AFAP1: variants seen among roughly 807,000 people sequenced by gnomAD.
AFAP1 encodes actin filament associated protein 1, also known as actin filament-associated protein 1.
In AFAP1, 75 loss-of-function variants were observed where a neutral mutation model predicts 93.9. That is an observed-to-expected ratio of 0.80 (90% confidence interval 0.66 to 0.97). The LOEUF is 0.97. Among genes scored for constraint, AFAP1 ranks in the 50% least tolerant of loss-of-function variants. The pLI, the probability that AFAP1 is intolerant of heterozygous loss-of-function variation, is 0.00. For synonymous variants in AFAP1, 517 were observed against 430.7 expected (o/e 1.20, Z -2.48); for missense variants, 1,201 against 1,050.8 (o/e 1.14, Z -1.98).
intron 17 of AFAP1, among the ~76,000 whole-genome samples, chr4:7,768,346 A>G (rs536120746): frequency 6.6e-6 from 1 of 152,386 alleles, no homozygotes; most frequent in East Asian, 1.9e-4. Context: ...GAAGACCGGA[A>G]GCTGCCCCAG....
intron 3 of AFAP1, among the ~76,000 whole-genome samples, chr4:7,863,575 T>C (rs1291321961): frequency 2.0e-5 from 3 of 152,150 alleles, no homozygotes; most frequent in African/African-American, 7.2e-5. Flanking sequence ...ATCCCACACG[T>C]GTGACTTCAA....
Position 7,928,823 on chromosome 4 carries a change from C to T in AFAP1, c.-3+10833G>A, listed in dbSNP as rs191461443. Among the ~76,000 whole-genome samples the T allele has an allele frequency of 1.2e-3, 189 of 152,334 alleles. 1 individual carries two copies. Among genetic ancestry groups the T allele is most frequent in the South Asian group, 1.7e-3 (8 of 4,826 alleles). Reference sequence around the variant, plus strand: ...CACCTGTCTGCCCTCCTGCAATGGCCGCGGTGTTCCCCATCTTACATGAGG... The same window carrying T: ...CACCTGTCTGCCCTCCTGCAATGGCTGCGGTGTTCCCCATCTTACATGAGG... On this transcript the variant is annotated intron_variant, in intron 1 of 17. Coordinates refer to ENST00000420658, the MANE Select transcript of AFAP1 (RefSeq NM_001134647.2).
At chr4:7,840,267 T>TGTGTGTGTGTGC (rs140323830) in intron 5 of AFAP1, among the ~76,000 whole-genome samples, 48,255 of 144,702 alleles carry the variant, frequency 0.33, 8,057 homozygotes, top group East Asian at 0.57. Context: ...TTGGGATGTG[T>TGTGTGTGTGTGC]GTGTGTGTGT....
At chr4:7,937,085 AAAC>A (rs149535758) in intron 1 of AFAP1, among the ~76,000 whole-genome samples, 1,974 of 152,350 alleles carry the variant, frequency 0.013, 45 homozygotes, top group African/African-American at 0.045. Flanking sequence ...AATGAGAAAA[AAAC>A]AAACCAATTG....
intron 10 of AFAP1, among the ~76,000 whole-genome samples, chr4:7,795,817 G>C (rs958782915): frequency 6.6e-6 from 1 of 152,058 alleles, no homozygotes; most frequent in African/African-American, 2.4e-5. Context: ...TAATATCTAA[G>C]ATGTAATTGA....
rs995040609 is a variant in AFAP1 at position 7,796,745 on chromosome 4, G to C, written c.1267-2919C>G. ...CAGCCTGGGCAACAGAGTGAGACTT[G>C]TCTCAAAAAAAAAAAAACAAAAAAA... On this transcript the variant is annotated intron_variant, in intron 10 of 17. Transcript: ENST00000420658. 1.2e-4 allele frequency among the ~76,000 whole-genome samples: 14 copies of C among 120,104 alleles called. No homozygotes were observed. The South Asian group carries it at 2.6e-3, about 22-fold the overall frequency. The allele number at this position is 120,104 out of a possible 152,430, so 78.8% of individuals were successfully genotyped here. A position where few individuals can be genotyped will look rare whatever the true frequency, so the allele number is the denominator to read the frequency against.
intron 1 of AFAP1, among the ~76,000 whole-genome samples, chr4:7,872,957 A>G (rs1717181900): frequency 1.3e-5 from 2 of 150,184 alleles, no homozygotes; most frequent in South Asian, 4.2e-4. Context: ...AAAAAAAAAA[A>G]AAACTACTTG....
In AFAP1 at chr4:7,847,015, T is replaced by C. The variant is rs141621061; in HGVS notation, c.335-3665A>G. Reference sequence around the variant, plus strand: ...GGTCTACAGTTATGAAAAAGACAATTAAGTTCATTGTCTTGCCTTCTTCTA... The same window carrying C: ...GGTCTACAGTTATGAAAAAGACAATCAAGTTCATTGTCTTGCCTTCTTCTA... On this transcript the variant is annotated intron_variant, in intron 4 of 17. Transcript: ENST00000420658. Among the ~76,000 whole-genome samples the C allele has an allele frequency of 3.2e-3, 486 of 152,336 alleles. 1 individual carries two copies. Among genetic ancestry groups the C allele is most frequent in the South Asian group, 5.6e-3 (27 of 4,818 alleles).
chr4:7,868,993 A>AAAAGAG (rs1309906835), intron 2 of AFAP1, among the ~76,000 whole-genome samples: 2 of 151,488 alleles, frequency 1.3e-5, no homozygotes, highest in African/African-American at 2.4e-5. Context: ...AAAAGAAAAG[A>AAAAGAG]AAAGAGAAAG....
intron 10 of AFAP1, among the ~76,000 whole-genome samples, chr4:7,798,101 T>A: frequency 1.1e-5 from 1 of 95,090 alleles, no homozygotes; most frequent in East Asian, 3.2e-4. Flanking sequence ...GCTCACGGCA[T>A]TGCAACTCTA....
intron 7 of AFAP1, among the ~76,000 whole-genome samples, chr4:7,816,606 G>A (rs534871888): frequency 8.5e-5 from 13 of 152,274 alleles, no homozygotes; most frequent in Middle Eastern, 3.4e-3. Context: ...AGGGGGATGG[G>A]GGACTGTCAC....
intron 9 of AFAP1, among the ~76,000 whole-genome samples, chr4:7,804,186 C>T (rs1338968393): frequency 1.3e-5 from 2 of 152,174 alleles, no homozygotes; most frequent in Admixed American, 6.5e-5. Flanking sequence ...TACGCTGGAG[C>T]AACATCCACC....
At chr4:7,863,037 T>C (rs1310756548) in intron 3 of AFAP1, among the ~76,000 whole-genome samples, 1 of 152,198 alleles carries the variant, frequency 6.6e-6, no homozygotes, top group African/African-American at 2.4e-5. Flanking sequence ...GGGGCTCGCC[T>C]TCTCAAACAC....
chr4:7,888,220 G>A (rs1718241702), intron 1 of AFAP1, among the ~76,000 whole-genome samples: 1 of 152,236 alleles, frequency 6.6e-6, no homozygotes, highest in African/African-American at 2.4e-5. Flanking sequence ...AGAAAAACAA[G>A]TTATTTAATC....
rs1214211655 is a variant in AFAP1, at chr4:7,759,436, C to G, written c.*4329G>C. 6.6e-6 allele frequency: 1 copy of G among 152,584 alleles called. No homozygotes were observed. Among genetic ancestry groups the G allele is most frequent in the Non-Finnish European group, 1.5e-5 (1 of 68,040 alleles). 9.5% of individuals were successfully genotyped at this position (152,584 alleles called of 1,614,324 possible). A position where few individuals can be genotyped will look rare whatever the true frequency, so the allele number is the denominator to read the frequency against. ...GACGCCCTGCTATGGCTTGGGGACTCACGAATAGAGGTGACTGCTTTTTCT... is the reference window on the plus strand; with the variant it reads ...GACGCCCTGCTATGGCTTGGGGACTGACGAATAGAGGTGACTGCTTTTTCT... On this transcript the variant is annotated 3_prime_UTR_variant, in exon 18 of 18. Transcript: ENST00000420658.
intron 1 of AFAP1, among the ~76,000 whole-genome samples, chr4:7,878,280 A>G (rs1577328652): frequency 6.6e-6 from 1 of 152,172 alleles, no homozygotes; most frequent in East Asian, 1.9e-4. Flanking sequence ...TAGGACACCC[A>G]CGTCTCCTCT....
chr4:7,763,838 G>C, intron 17 of AFAP1, 47 bp from the exon 18 acceptor site: 1 of 1,546,230 alleles, frequency 6.5e-7, no homozygotes, highest in Non-Finnish European at 8.8e-7. Flanking sequence ...AGAGGATCAG[G>C]CTGGGACAAG....
At chr4:7,929,884 G>C (rs17771470) in intron 1 of AFAP1, among the ~76,000 whole-genome samples, 43,326 of 152,174 alleles carry the variant, frequency 0.28, 7,726 homozygotes, top group Non-Finnish European at 0.41. Flanking sequence ...CAGCAGGACC[G>C]TTATAATAGC....
intron 10 of AFAP1, among the ~76,000 whole-genome samples, chr4:7,797,876 G>A (rs979609688): frequency 2.0e-5 from 3 of 152,166 alleles, no homozygotes; most frequent in South Asian, 4.1e-4. Context: ...ACATACAGAC[G>A]TAGAGAGAAA....
Sources: allele counts gnomAD v4.1 joint callset (sites outside exome capture counted in the v4.1 genomes callset), GRCh38; gene constraint gnomAD v4.1.1; transcripts MANE v1.5; gene names NCBI Gene and HGNC (gene_info 2026-07-23, HGNC 2026-07-21).